GRIA1: variants seen among roughly 807,000 people sequenced by gnomAD.
GRIA1 encodes glutamate receptor 1.
GRIA1 carries 31 observed loss-of-function variants against 99.2 expected under a neutral mutation model. The observed-to-expected ratio is 0.31, with a 90% confidence interval of 0.23 to 0.42. GRIA1 has a LOEUF of 0.42. Among genes scored for constraint, GRIA1 ranks in the 10% least tolerant of loss-of-function variants. GRIA1 has a pLI of 1.00. For missense variants in GRIA1, 782 were observed against 1,157.5 expected, an observed-to-expected ratio of 0.68 and a Z score of 4.71; for synonymous variants, 438 against 432.4, an observed-to-expected ratio of 1.01 and a Z score of -0.16.
At chr5:153,717,910 G>A (rs906588375) in intron 11 of GRIA1, among the ~76,000 whole-genome samples, 21 of 152,164 alleles carry the variant, frequency 1.4e-4, no homozygotes, top group African/African-American at 5.1e-4. Flanking sequence ...TTAGAAAAAT[G>A]TCTTCCTGGC....
chr5:153,729,414 G>T (rs7716290), intron 11 of GRIA1, among the ~76,000 whole-genome samples: 3 of 151,294 alleles, frequency 2.0e-5, no homozygotes, highest in South Asian at 2.1e-4. Flanking sequence ...TTAATTAATT[G>T]AAAAAAGAGA....
chr5:153,604,022 A>C (rs534464803), intron 2 of GRIA1, among the ~76,000 whole-genome samples: 1 of 152,164 alleles, frequency 6.6e-6, no homozygotes, highest in Non-Finnish European at 1.5e-5. Flanking sequence ...ATAATCTCCA[A>C]TATGCCTTGG....
Position 153,625,866 on chromosome 5 carries a change from T to C in GRIA1, c.221-21062T>C, listed in dbSNP as rs373270735. 5.6e-4 allele frequency among the ~76,000 whole-genome samples: 86 copies of C among 152,348 alleles called. 1 individual carries two copies. Among genetic ancestry groups the C allele is most frequent in the African/African-American group, 2.0e-3 (84 of 41,588 alleles). On this transcript the variant is annotated intron_variant, in intron 2 of 15. Coordinates refer to ENST00000285900, the MANE Select transcript of GRIA1 (RefSeq NM_000827.4). ...GATTAAGACTCTGGTTATCTGATTCTGTATATGAGGAAACTGAGGCATAGA... is the reference window on the plus strand; with the variant it reads ...GATTAAGACTCTGGTTATCTGATTCCGTATATGAGGAAACTGAGGCATAGA...
chr5:153,611,255 C>T (rs1316196048), intron 2 of GRIA1, among the ~76,000 whole-genome samples: 1 of 152,134 alleles, frequency 6.6e-6, no homozygotes, highest in Non-Finnish European at 1.5e-5. Flanking sequence ...ATTTTGCAAA[C>T]TGATTGTTAA....
At chr5:153,669,960 C>T (rs1018115484) in intron 5 of GRIA1, among the ~76,000 whole-genome samples, 3 of 152,096 alleles carry the variant, frequency 2.0e-5, no homozygotes, top group Non-Finnish European at 2.9e-5. Context: ...CATAGTGAAC[C>T]TTGATTTTTG....
intron 2 of GRIA1, among the ~76,000 whole-genome samples, chr5:153,501,048 T>C (rs1259789501): frequency 1.3e-5 from 2 of 152,202 alleles, no homozygotes; most frequent in Non-Finnish European, 2.9e-5. Flanking sequence ...TCTCTACCTT[T>C]GGCTAGCAAG....
intron 7 of GRIA1, among the ~76,000 whole-genome samples, chr5:153,684,151 TCC>T (rs932428582): frequency 2.6e-5 from 4 of 152,178 alleles, no homozygotes; most frequent in African/African-American, 9.7e-5. Context: ...ATTTGGCATC[TCC>T]CATGTAAATA....
intron 5 of GRIA1, among the ~76,000 whole-genome samples, chr5:153,658,577 G>A (rs539721403): frequency 6.6e-6 from 1 of 152,142 alleles, no homozygotes; most frequent in Non-Finnish European, 1.5e-5. Context: ...AAACATAGTC[G>A]AGTATGTGGT....
At position 153,699,019 on chromosome 5, in the gene GRIA1, C is replaced by G. The variant is rs1194207838; in HGVS notation, c.1398C>G (p.Ala466=). The change falls in exon 10 of 16, where the codon GCC becomes GCG. Residue 466 remains alanine, a synonymous_variant. Transcript: ENST00000285900. Reference sequence around the variant, plus strand: ...TTGTCAGTGATGGAAAATACGGAGCCCGAGACCCTGACACGAAGGCCTGGA... The same window carrying G: ...TTGTCAGTGATGGAAAATACGGAGCGCGAGACCCTGACACGAAGGCCTGGA... ...LEIVSDGKYG[A]RDPDTKAWNG... is the part of the protein sequence containing the mutation. The G allele has an allele frequency of 5.0e-6, 8 of 1,614,012 alleles. No individual in the cohort carries two copies. The East Asian group carries it at 1.8e-4, about 36-fold the overall frequency.
At chr5:153,681,963 GGCAGAGGTTACAGTGA>G (rs1757003430) in intron 7 of GRIA1, among the ~76,000 whole-genome samples, 2 of 152,032 alleles carry the variant, frequency 1.3e-5, no homozygotes, top group South Asian at 4.2e-4. Context: ...GAACGCAGGA[GGCAGAGGTTACAGTGA>G]GCCGAGGTTG....
intron 8 of GRIA1, among the ~76,000 whole-genome samples, chr5:153,694,989 GA>G (rs35041796): frequency 0.098 from 14,411 of 146,448 alleles, 816 homozygotes; most frequent in Non-Finnish European, 0.12. Flanking sequence ...AAAGGGAAAA[GA>G]AAAAAAAAAC....
At chr5:153,545,073 C>T (rs1432954552) in intron 2 of GRIA1, among the ~76,000 whole-genome samples, 2 of 152,242 alleles carry the variant, frequency 1.3e-5, no homozygotes, top group Non-Finnish European at 2.9e-5. Context: ...AAGGAAGGCG[C>T]CATGTGCTCT....
intron 11 of GRIA1, among the ~76,000 whole-genome samples, chr5:153,735,568 C>G (rs1164975904): frequency 6.6e-6 from 1 of 152,134 alleles, no homozygotes; most frequent in Non-Finnish European, 1.5e-5. Flanking sequence ...GATTTCATTT[C>G]TGCCTTTTAG....
chr5:153,785,761 G>C (rs1320518371), intron 13 of GRIA1, among the ~76,000 whole-genome samples: 1 of 152,160 alleles, frequency 6.6e-6, no homozygotes, highest in African/African-American at 2.4e-5. Context: ...TTTCCTCCAT[G>C]TTATTCCTGA....
At chr5:153,602,370 G>C in intron 2 of GRIA1, among the ~76,000 whole-genome samples, 1 of 151,580 alleles carries the variant, frequency 6.6e-6, no homozygotes, top group Non-Finnish European at 1.5e-5. Context: ...TCACACACTG[G>C]GGCCTGTTGT....
chr5:153,661,681 T>C (rs532656374), intron 5 of GRIA1, among the ~76,000 whole-genome samples: 1 of 152,334 alleles, frequency 6.6e-6, no homozygotes, highest in East Asian at 1.9e-4. Flanking sequence ...AATGAATGAA[T>C]GAATGAATAA....
At chr5:153,509,405 C>T (rs1755841065) in intron 2 of GRIA1, among the ~76,000 whole-genome samples, 1 of 152,160 alleles carries the variant, frequency 6.6e-6, no homozygotes, top group South Asian at 2.1e-4. Flanking sequence ...CTTCTCCCTC[C>T]CTCAATTGCA....
At chr5:153,747,787 C>T (rs1230202080) in intron 11 of GRIA1, among the ~76,000 whole-genome samples, 2 of 152,192 alleles carry the variant, frequency 1.3e-5, no homozygotes, top group East Asian at 3.9e-4. Context: ...TGGGGTGTAG[C>T]CTTTCCCACC....
At chr5:153,553,358 G>A (rs376514833) in intron 2 of GRIA1, among the ~76,000 whole-genome samples, 4 of 152,308 alleles carry the variant, frequency 2.6e-5, no homozygotes, top group East Asian at 3.9e-4. Flanking sequence ...AAAGACTGAG[G>A]CAGGTTTCAG....
Sources: allele counts gnomAD v4.1 joint callset (sites outside exome capture counted in the v4.1 genomes callset), GRCh38; gene constraint gnomAD v4.1.1; transcripts MANE v1.5; gene names NCBI Gene and HGNC (gene_info 2026-07-23, HGNC 2026-07-21).